The following SNX29 variants were observed in gnomAD, a reference collection of about 807,000 sequenced individuals.
The protein encoded by SNX29 is sorting nexin-29.
A neutral mutation model predicts 102.1 loss-of-function variants in SNX29; 78 were observed. The observed-to-expected ratio is 0.76, with a 90% CI of 0.64 to 0.92. The LOEUF is 0.92. SNX29 is among the 40% of genes least tolerant of loss of function. SNX29 has a pLI of 0.00. For missense variants in SNX29, 1,280 were observed against 1,061.7 expected, an observed-to-expected ratio of 1.21 and a Z score of -2.86; for synonymous variants, 580 against 414.5, an observed-to-expected ratio of 1.40 and a Z score of -4.85.
chr16:12,553,095 T>TGGCCTGGGGCTTTCAGGCTGGGAG (rs148976400), intron 20 of SNX29, among the ~76,000 whole-genome samples: 1 of 152,324 alleles, frequency 6.6e-6, no homozygotes, highest in Non-Finnish European at 1.5e-5. Flanking sequence ...AGTTCAGGCT[T>TGGCCTGGGGCTTTCAGGCTGGGAG]GGCCTGGGGC....
At chr16:11,994,161 A>G (rs2055967445) in intron 1 of SNX29, among the ~76,000 whole-genome samples, 1 of 152,140 alleles carries the variant, frequency 6.6e-6, no homozygotes, top group African/African-American at 2.4e-5. Flanking sequence ...GAGAGACCCA[A>G]CTAGGTGACT....
At chr16:12,498,623 A>G (rs923113293) in intron 19 of SNX29, among the ~76,000 whole-genome samples, 3 of 152,194 alleles carry the variant, frequency 2.0e-5, no homozygotes, top group African/African-American at 7.2e-5. Context: ...TAGGCTTACA[A>G]TTTTTGAGTG....
At chr16:12,073,468 G>A (rs2051397325) in intron 10 of SNX29, among the ~76,000 whole-genome samples, 1 of 152,184 alleles carries the variant, frequency 6.6e-6, no homozygotes, top group Non-Finnish European at 1.5e-5. Flanking sequence ...CAGTTTCCAT[G>A]TAGTGGAGCG....
At chr16:12,203,882 G>A (rs1026001263) in intron 14 of SNX29, among the ~76,000 whole-genome samples, 1 of 152,208 alleles carries the variant, frequency 6.6e-6, no homozygotes, top group East Asian at 1.9e-4. Context: ...CCATCCACAT[G>A]TGGGTAGTGA....
At position 12,569,266 on chromosome 16, in the gene SNX29, A is replaced by T. The variant is rs1388105841; in HGVS notation, c.*637A>T. 4.4e-6 allele frequency: 1 copy of T among 227,598 alleles called. No individual in the cohort carries two copies. The highest frequency in any genetic ancestry group is 2.2e-5 in the African/African-American group (1 of 44,934). 14.1% of individuals were successfully genotyped at this position (227,598 alleles called of 1,614,324 possible). On this transcript the variant is annotated 3_prime_UTR_variant, in exon 21 of 21. Transcript: ENST00000566228. The stretch of plus-strand genomic sequence containing the variant: ...GGAGCCATTAGTGATGTGCAACTTG[A>T]GTTCAGAGAACTTCCCCTACCTCCC...
At chr16:12,199,707 T>G (rs1216920415) in intron 14 of SNX29, 24 bp downstream of exon 14, 1 of 1,602,490 alleles carries the variant, frequency 6.2e-7, no homozygotes, top group African/African-American at 1.3e-5. Context: ...TGAGCCCGGG[T>G]TGGGAGGGGC....
chr16:12,135,946 C>T (rs895316322), intron 13 of SNX29, among the ~76,000 whole-genome samples: 1 of 152,164 alleles, frequency 6.6e-6, no homozygotes, highest in African/African-American at 2.4e-5. Context: ...CGGGGGGAGC[C>T]CCTTGGACTG....
rs578004009 is a variant in SNX29 at position 12,568,985 on chromosome 16, G to C, written c.*356G>C. Reference sequence around the variant, plus strand: ...GGGTGCGCCATGGTTGAGAGGCAAAGGTGATCCCCTATATAGGAAGGTTCA... The same window carrying C: ...GGGTGCGCCATGGTTGAGAGGCAAACGTGATCCCCTATATAGGAAGGTTCA... On this transcript the variant is annotated 3_prime_UTR_variant, in exon 21 of 21. Coordinates refer to ENST00000566228, the MANE Select transcript of SNX29 (RefSeq NM_032167.5). 15 of 334,270 alleles carry C rather than the reference G, an allele frequency of 4.5e-5. No individual in the cohort carries two copies. In the South Asian group the frequency reaches 7.5e-4, roughly 17 times the overall value. 20.7% of individuals were successfully genotyped at this position (334,270 alleles called of 1,614,324 possible). A position where few individuals can be genotyped will look rare whatever the true frequency, so the allele number is the denominator to read the frequency against.
At position 12,042,941 on chromosome 16, in the gene SNX29, G is replaced by C; in HGVS notation, c.292G>C (p.Glu98Gln). ...YYVKEVLNKH[E>Q]LQRFYSLRHI... is the part of the protein sequence containing the mutation. ...CGTGAAGGAGGTCCTCAACAAGCACGAGCTGCAGCGCTTCTACTCCCTGCG... is the reference window on the plus strand; with the variant it reads ...CGTGAAGGAGGTCCTCAACAAGCACCAGCTGCAGCGCTTCTACTCCCTGCG... The change falls in exon 5 of 21, where the codon GAG becomes CAG. Residue 98 changes from glutamate to glutamine, a missense_variant. Physicochemically the swap from Glu to Gln is conservative, Grantham distance 29. Coordinates refer to ENST00000566228, the MANE Select transcript of SNX29 (RefSeq NM_032167.5). 6.2e-7 allele frequency: 1 copy of C among 1,613,634 alleles called. No individual in the cohort carries two copies. Among genetic ancestry groups the C allele is most frequent in the East Asian group, 2.2e-5 (1 of 44,882 alleles).
rs564811568 is a variant in SNX29 at position 12,028,114 on chromosome 16, G to C, written c.247+670G>C. On this transcript the variant is annotated intron_variant, in intron 4 of 20. Coordinates refer to ENST00000566228, the MANE Select transcript of SNX29 (RefSeq NM_032167.5). ...GGTCTCCTCCTCCCCTGAGCTTTCA[G>C]TTCCAGCCCTGACCACGGCTGCTGC... Among the ~76,000 whole-genome samples, 4 of 152,286 alleles carry C rather than the reference G, an allele frequency of 2.6e-5. No homozygotes were observed. In the South Asian group the frequency reaches 8.3e-4, roughly 32 times the overall value.
At chr16:12,537,242 C>T (rs576640870) in intron 20 of SNX29, among the ~76,000 whole-genome samples, 1 of 152,156 alleles carries the variant, frequency 6.6e-6, no homozygotes, top group Non-Finnish European at 1.5e-5. Flanking sequence ...CAGGCACACC[C>T]AAAATAATGT....
chr16:12,418,529 T>A (rs1408951574), intron 18 of SNX29, among the ~76,000 whole-genome samples: 1 of 151,658 alleles, frequency 6.6e-6, no homozygotes, highest in Non-Finnish European at 1.5e-5. Context: ...TTTCTTTTTT[T>A]TTTGAGATGG....
intron 15 of SNX29, among the ~76,000 whole-genome samples, chr16:12,349,418 A>G (rs948232850): frequency 6.6e-6 from 1 of 152,222 alleles, no homozygotes; most frequent in Non-Finnish European, 1.5e-5. Flanking sequence ...TTAGTTTTCA[A>G]GGCTAAATGG....
intron 16 of SNX29, among the ~76,000 whole-genome samples, chr16:12,376,613 A>G (rs1323504766): frequency 6.6e-6 from 1 of 151,642 alleles, no homozygotes; most frequent in South Asian, 2.1e-4. Flanking sequence ...GCTGGCACCT[A>G]TAATCCCAGC....
chr16:12,487,455 G>A (rs995411555), intron 19 of SNX29, among the ~76,000 whole-genome samples: 1 of 152,170 alleles, frequency 6.6e-6, no homozygotes, highest in Admixed American at 6.5e-5. Context: ...TTATAGATGA[G>A]GAAACTGGGG....
Position 12,286,642 on chromosome 16 carries a change from GC to G in SNX29, c.1782+8610del, listed in dbSNP as rs34351673. 2.0e-5 allele frequency among the ~76,000 whole-genome samples: 3 copies of G among 152,102 alleles called. No homozygotes were observed. The East Asian group carries it at 5.8e-4, about 29-fold the overall frequency. ...TTACAGGTGTGAGCCACTGTACCCG[GC>G]CCCAAGGTGTCCTTAAAATTTTTTT... On this transcript the variant is annotated intron_variant, in intron 15 of 20. Transcript: ENST00000566228.
At chr16:12,519,039 T>C (rs1466175759) in intron 19 of SNX29, among the ~76,000 whole-genome samples, 1 of 152,184 alleles carries the variant, frequency 6.6e-6, no homozygotes, top group African/African-American at 2.4e-5. Flanking sequence ...GGGAGCAGGC[T>C]GTCCTGGGGA....
chr16:12,166,998 A>C (rs1434146454), intron 13 of SNX29, among the ~76,000 whole-genome samples: 1 of 152,192 alleles, frequency 6.6e-6, no homozygotes, highest in Non-Finnish European at 1.5e-5. Flanking sequence ...GGAAGGTGGT[A>C]AACTGGGGAC....
intron 17 of SNX29, 112 bp downstream of exon 17, chr16:12,398,613 A>G (rs1327026779): frequency 1.7e-6 from 2 of 1,210,054 alleles, no homozygotes; most frequent in Non-Finnish European, 1.2e-6. Flanking sequence ...AGACCCACAC[A>G]AGGTTGATGT....
Sources: gnomAD v4.1 joint callset for allele counts (sites outside exome capture counted in the v4.1 genomes callset) on GRCh38, gnomAD v4.1.1 for gene constraint, MANE v1.5 for transcripts, NCBI Gene and HGNC (gene_info 2026-07-23, HGNC 2026-07-21) for gene names.